Variants in CUX1 observed in about 807,000 individuals in gnomAD.
CUX1 encodes the protein protein CASP.
In CUX1, 31 loss-of-function variants were observed where a neutral mutation model predicts 158.8. That is an observed-to-expected ratio of 0.20 (90% CI 0.15 to 0.26). The LOEUF is 0.26. CUX1 is among the 10% of genes least tolerant of loss of function. The pLI, the probability that CUX1 is intolerant of heterozygous loss-of-function variation, is 1.00. For synonymous variants in CUX1, 879 were observed against 862.1 expected, an observed-to-expected ratio of 1.02 and a Z score of -0.34; for missense variants, 1,589 against 2,014.6, an observed-to-expected ratio of 0.79 and a Z score of 4.04.
chr7:102,230,751 T>C (rs1323649632), intron 21 of CUX1, among the ~76,000 whole-genome samples: 2 of 152,236 alleles, frequency 1.3e-5, no homozygotes, highest in African/African-American at 4.8e-5. Flanking sequence ...TATTGAATCA[T>C]GCAGGGATTC....
At chr7:102,282,278 G>A (rs753319951) in intron 21 of CUX1, among the ~76,000 whole-genome samples, 3 of 152,202 alleles carry the variant, frequency 2.0e-5, no homozygotes, top group East Asian at 1.9e-4. Flanking sequence ...GAGAAGGGGC[G>A]TCTTGAACTA....
At chr7:101,976,768 T>G (rs1444157466) in intron 2 of CUX1, among the ~76,000 whole-genome samples, 1 of 152,178 alleles carries the variant, frequency 6.6e-6, no homozygotes, top group African/African-American at 2.4e-5. Flanking sequence ...CATGTGCCTC[T>G]TTGAACAATT....
At chr7:101,821,254 C>G (rs189006065) in intron 1 of CUX1, among the ~76,000 whole-genome samples, 2 of 151,720 alleles carry the variant, frequency 1.3e-5, no homozygotes, top group Admixed American at 1.3e-4. Flanking sequence ...TACTCCCCCC[C>G]GCCCCCAAAA....
intron 8 of CUX1, among the ~76,000 whole-genome samples, chr7:102,127,613 C>T (rs1334039763): frequency 6.6e-6 from 1 of 150,558 alleles, no homozygotes; most frequent in Non-Finnish European, 1.5e-5. Flanking sequence ...GTAAATATTT[C>T]TTGCTTATCA....
intron 23 of CUX1, among the ~76,000 whole-genome samples, chr7:102,243,016 G>A (rs56293444): frequency 0.2 from 30,682 of 152,122 alleles, 3,761 homozygotes; most frequent in Non-Finnish European, 0.28. Flanking sequence ...GCTTATGCCC[G>A]TAATCCTAGC....
intron 1 of CUX1, among the ~76,000 whole-genome samples, chr7:101,858,862 C>T (rs1317672031): frequency 2.0e-5 from 3 of 152,036 alleles, no homozygotes; most frequent in Non-Finnish European, 4.4e-5. Flanking sequence ...GACTAGGTTT[C>T]GCCATGTTGG....
chr7:101,851,429 G>A (rs1328279127), intron 1 of CUX1, among the ~76,000 whole-genome samples: 1 of 151,950 alleles, frequency 6.6e-6, no homozygotes, highest in Non-Finnish European at 1.5e-5. Flanking sequence ...CTCCTGACTC[G>A]TGTACGCCAT....
intron 3 of CUX1, among the ~76,000 whole-genome samples, chr7:102,030,199 ACGGGG>A (rs1820560603): frequency 6.6e-6 from 1 of 152,024 alleles, no homozygotes; most frequent in Non-Finnish European, 1.5e-5. Flanking sequence ...TTTAGTAGAG[ACGGGG>A]TTTCATCATA....
chr7:102,200,282 C>T, intron 17 of CUX1, 110 bp downstream of exon 17: 1 of 815,326 alleles, frequency 1.2e-6, no homozygotes, highest in South Asian at 1.9e-5. Flanking sequence ...ATAATGAATG[C>T]CTGTTCTCAA....
rs111920353 is a variant in CUX1, at chr7:101,978,418, A to T, written c.142-49680A>T. On this transcript the variant is annotated intron_variant, in intron 2 of 23. Coordinates refer to ENST00000292535, the MANE Select transcript of CUX1 (RefSeq NM_181552.4). The stretch of plus-strand genomic sequence containing the variant: ...TCCTCTCCCCCGACATGCCTGGTCC[A>T]CCAGCAAGCCCGTCCTTCCTCCTGG... 6.6e-5 allele frequency among the ~76,000 whole-genome samples: 10 copies of T among 152,268 alleles called. 1 individual carries two copies. The highest frequency in any genetic ancestry group is 2.4e-4 in the African/African-American group (10 of 41,544).
intron 1 of CUX1, among the ~76,000 whole-genome samples, chr7:101,844,035 C>T (rs1424756911): frequency 6.6e-6 from 1 of 152,142 alleles, no homozygotes; most frequent in East Asian, 1.9e-4. Context: ...CTCACCTGAC[C>T]CAACTAGTCT....
At chr7:102,027,981 C>A in intron 2 of CUX1, 117 bp from the exon 3 acceptor site, 1 of 1,015,618 alleles carries the variant, frequency 9.8e-7, no homozygotes. Flanking sequence ...CCCAGGCTTG[C>A]TTTAGATAGT....
intron 2 of CUX1, among the ~76,000 whole-genome samples, chr7:102,003,773 G>A (rs1816997388): frequency 6.6e-6 from 1 of 152,176 alleles, no homozygotes; most frequent in South Asian, 2.1e-4. Flanking sequence ...AACTTACATT[G>A]CAACCCCAGT....
At position 102,193,833 on chromosome 7, in the gene CUX1, C is replaced by T. The variant is rs782596916; in HGVS notation, c.1077-9C>T. 15 of 1,613,464 alleles carry T rather than the reference C, an allele frequency of 9.3e-6. No individual in the cohort carries two copies. Among genetic ancestry groups the T allele is most frequent in the African/African-American group, 1.3e-5 (1 of 74,878 alleles). On this transcript the variant is annotated splice_polypyrimidine_tract_variant and intron_variant, in intron 12 of 23. Transcript: ENST00000292535. Reference sequence around the variant, plus strand: ...TAAATAAAATAACCCCTCTGTTGTGCTCTTGCAGCATTCTGAAGTCCATGG... The same window carrying T: ...TAAATAAAATAACCCCTCTGTTGTGTTCTTGCAGCATTCTGAAGTCCATGG...
chr7:101,869,571 C>G lies in CUX1; in HGVS notation c.31-46544C>G, dbSNP rs934606184. Among the ~76,000 whole-genome samples the G allele has an allele frequency of 6.0e-5, 8 of 132,240 alleles. No individual in the cohort carries two copies. The highest frequency in any genetic ancestry group is 2.0e-4 in the African/African-American group (7 of 35,686). The allele number at this position is 132,240 out of a possible 152,430, so 86.8% of individuals were successfully genotyped here. A position where few individuals can be genotyped will look rare whatever the true frequency, so the allele number is the denominator to read the frequency against. On this transcript the variant is annotated intron_variant, in intron 1 of 23. Coordinates refer to ENST00000292535, the MANE Select transcript of CUX1 (RefSeq NM_181552.4). The surrounding 1 kb of genome is among the most constrained non-coding windows in gnomAD (Gnocchi z 4.5). ...CGCGGGAAGGGAGTGGCTGGTGGGG[C>G]GGGGGAGGGAAACCAGCACGTTAGA...
intron 2 of CUX1, among the ~76,000 whole-genome samples, chr7:102,014,563 G>A (rs185556551): frequency 9.2e-5 from 14 of 152,272 alleles, no homozygotes; most frequent in East Asian, 5.8e-4. Flanking sequence ...CTTCCTAGCC[G>A]CGTGCTGCTC....
At chr7:101,955,183 G>A (rs1809606830) in intron 2 of CUX1, among the ~76,000 whole-genome samples, 1 of 150,914 alleles carries the variant, frequency 6.6e-6, no homozygotes, top group Non-Finnish European at 1.5e-5. Flanking sequence ...AAAAAATGCA[G>A]GTTCAAGGAA....
At position 101,882,017 on chromosome 7, in the gene CUX1, A is replaced by C. The variant is rs1479466213; in HGVS notation, c.31-34098A>C. Among the ~76,000 whole-genome samples the C allele has an allele frequency of 3.0e-3, 134 of 45,212 alleles. 1 individual carries two copies. Among genetic ancestry groups the C allele is most frequent in the African/African-American group, 7.2e-3 (86 of 11,864 alleles). 29.7% of individuals were successfully genotyped at this position (45,212 alleles called of 152,430 possible). A position where few individuals can be genotyped will look rare whatever the true frequency, so the allele number is the denominator to read the frequency against. ...ACATAGTGAGACCTTGTCTCTACCC[A>C]AAAATAAAAAAAAAAAATCAGCTGG... On this transcript the variant is annotated intron_variant, in intron 1 of 23. Transcript: ENST00000292535.
chr7:102,039,434 A>G (rs1358670183), intron 3 of CUX1, among the ~76,000 whole-genome samples: 1 of 152,150 alleles, frequency 6.6e-6, no homozygotes, highest in African/African-American at 2.4e-5. Flanking sequence ...CAGGCGGCTC[A>G]CTTGAGCCTG....
Sources: allele counts gnomAD v4.1 joint callset (sites outside exome capture counted in the v4.1 genomes callset), GRCh38; gene constraint gnomAD v4.1.1; non-coding constraint Gnocchi (gnomAD v3.1); transcripts MANE v1.5; gene names NCBI Gene and HGNC (gene_info 2026-07-23, HGNC 2026-07-21).